The following TAFA1 variants were observed in gnomAD, a reference collection of about 807,000 sequenced individuals.
The protein encoded by TAFA1 is chemokine-like protein TAFA-1.
TAFA1 carries 4 observed loss-of-function variants against 18.5 expected under a neutral mutation model. The observed-to-expected ratio is 0.22, with a 90% confidence interval of 0.11 to 0.49. TAFA1 has a LOEUF of 0.49. TAFA1 is among the 20% of genes least tolerant of loss of function. The pLI is 0.98. For synonymous variants in TAFA1, 56 were observed against 55.2 expected (o/e 1.01, Z -0.06); for missense variants, 147 against 169.0 (o/e 0.87, Z 0.72).
intron 2 of TAFA1, among the ~76,000 whole-genome samples, chr3:68,083,273 A>C (rs1014460930): frequency 4.2e-4 from 64 of 152,252 alleles, no homozygotes; most frequent in African/African-American, 1.5e-3. Context: ...CTTCAGCCCC[A>C]ACCTATTAAC....
chr3:68,459,930 C>T (rs1279222645), intron 3 of TAFA1, among the ~76,000 whole-genome samples: 2 of 152,150 alleles, frequency 1.3e-5, no homozygotes, highest in Non-Finnish European at 1.5e-5. Context: ...TTCAGATTCA[C>T]AAAGTAATTA....
intron 2 of TAFA1, among the ~76,000 whole-genome samples, chr3:68,154,648 G>T (rs537400209): frequency 2.6e-5 from 4 of 152,274 alleles, no homozygotes; most frequent in African/African-American, 7.2e-5. Context: ...ATAGCCATCT[G>T]CTCAGTGTTC....
chr3:68,298,464 A>T (rs1198569739), intron 2 of TAFA1, among the ~76,000 whole-genome samples: 1 of 152,170 alleles, frequency 6.6e-6, no homozygotes, highest in Non-Finnish European at 1.5e-5. Context: ...TGATCAAAAA[A>T]TCTTGTAGCT....
chr3:68,348,772 T>TA (rs1202663961), intron 2 of TAFA1, among the ~76,000 whole-genome samples: 1 of 152,080 alleles, frequency 6.6e-6, no homozygotes, highest in African/African-American at 2.4e-5. Context: ...AAAGCAATTT[T>TA]AAAAACTCAA....
chr3:68,259,348 A>T (rs182820722), intron 2 of TAFA1, among the ~76,000 whole-genome samples: 1 of 152,314 alleles, frequency 6.6e-6, no homozygotes, highest in East Asian at 1.9e-4. Context: ...TTTAACTGAG[A>T]TGTCCCTTCA....
intron 3 of TAFA1, among the ~76,000 whole-genome samples, chr3:68,499,933 T>G (rs1184567149): frequency 1.3e-5 from 2 of 151,676 alleles, no homozygotes; most frequent in Non-Finnish European, 2.9e-5. Context: ...GGGATAAAGC[T>G]TATTAGTGAG....
intron 2 of TAFA1, among the ~76,000 whole-genome samples, chr3:68,122,108 G>A (rs1025764137): frequency 2.0e-5 from 3 of 151,814 alleles, no homozygotes; most frequent in African/African-American, 7.3e-5. Context: ...TCTGAATCTG[G>A]GATTCAAACC....
chr3:68,500,723 C>T (rs978974470), intron 3 of TAFA1, among the ~76,000 whole-genome samples: 1 of 150,808 alleles, frequency 6.6e-6, no homozygotes, highest in East Asian at 2.0e-4. Flanking sequence ...AAAAAGTTTG[C>T]CTATTCCTAC....
intron 2 of TAFA1, among the ~76,000 whole-genome samples, chr3:68,146,094 A>C (rs1027871355): frequency 1.3e-5 from 2 of 152,208 alleles, no homozygotes; most frequent in African/African-American, 4.8e-5. Flanking sequence ...GTTTCCTCAA[A>C]GTCAGAATGA....
intron 3 of TAFA1, among the ~76,000 whole-genome samples, chr3:68,508,231 A>G (rs1376166570): frequency 2.1e-5 from 3 of 144,884 alleles, no homozygotes; most frequent in Non-Finnish European, 3.1e-5. Flanking sequence ...CCCCACCCAT[A>G]TGATCTTTTT....
Position 68,161,220 on chromosome 3 carries a change from A to C in TAFA1, c.118+154476A>C, listed in dbSNP as rs553719869. On this transcript the variant is annotated intron_variant, in intron 2 of 4. Coordinates refer to ENST00000478136, the MANE Select transcript of TAFA1 (RefSeq NM_213609.4). ...ACGCTATGATATGCTGGACCAAAAA[A>C]ATTAGGCTTATGATTAGGGATACTC... Among the ~76,000 whole-genome samples the C allele has an allele frequency of 7.2e-5, 11 of 152,350 alleles. No homozygotes were observed. The South Asian group carries it at 2.3e-3, about 32-fold the overall frequency.
At chr3:68,382,107 C>G (rs1179690494) in intron 2 of TAFA1, among the ~76,000 whole-genome samples, 2 of 152,170 alleles carry the variant, frequency 1.3e-5, no homozygotes, top group South Asian at 2.1e-4. Context: ...GTTGAACCAG[C>G]CTTGCATCCC....
chr3:68,415,338 G>A (rs932358422), intron 2 of TAFA1, among the ~76,000 whole-genome samples: 1 of 152,174 alleles, frequency 6.6e-6, no homozygotes, highest in Non-Finnish European at 1.5e-5. Flanking sequence ...CTTACAGTTT[G>A]GCTGGGGCAC....
chr3:68,455,275 G>A (rs1283798452), intron 3 of TAFA1, among the ~76,000 whole-genome samples: 8 of 151,962 alleles, frequency 5.3e-5, no homozygotes, highest in African/African-American at 1.9e-4. Flanking sequence ...GGCAGTTGGA[G>A]GAGGTGGAAT....
intron 3 of TAFA1, among the ~76,000 whole-genome samples, chr3:68,438,165 C>G (rs1230859687): frequency 6.6e-6 from 1 of 151,992 alleles, no homozygotes; most frequent in Non-Finnish European, 1.5e-5. Context: ...TTGAGACCAG[C>G]CTGAGCAACA....
At chr3:67,995,279 C>A in the TAFA1 span, among the ~76,000 whole-genome samples, 2 of 152,104 alleles carry the variant, frequency 1.3e-5, no homozygotes, top group South Asian at 4.1e-4. Flanking sequence ...CAGTGGTTTT[C>A]AAACTTGGCT....
At chr3:68,409,820 A>C (rs2070678425) in intron 2 of TAFA1, among the ~76,000 whole-genome samples, 1 of 152,142 alleles carries the variant, frequency 6.6e-6, no homozygotes, top group South Asian at 2.1e-4. Context: ...ATTTCTATTA[A>C]ATATCAGATC....
intron 2 of TAFA1, among the ~76,000 whole-genome samples, chr3:68,413,241 T>G (rs1007877827): frequency 1.3e-5 from 2 of 152,202 alleles, no homozygotes; most frequent in African/African-American, 2.4e-5. Context: ...TTTTTTCTTG[T>G]AAATTTGTTT....
At chr3:68,488,067 T>A (rs549234591) in intron 3 of TAFA1, among the ~76,000 whole-genome samples, 1 of 152,302 alleles carries the variant, frequency 6.6e-6, no homozygotes, top group South Asian at 2.1e-4. Flanking sequence ...AGTATGCGTA[T>A]GTATTAGCCA....
Sources: allele counts gnomAD v4.1 joint callset (sites outside exome capture counted in the v4.1 genomes callset), GRCh38; gene constraint gnomAD v4.1.1; transcripts MANE v1.5; gene names NCBI Gene and HGNC (gene_info 2026-07-23, HGNC 2026-07-21).